Variants in WRN observed in about 807,000 individuals in gnomAD.
WRN encodes bifunctional 3'-5' exonuclease/ATP-dependent helicase WRN.
WRN carries 149 observed loss-of-function variants against 180.7 expected under a neutral mutation model. The ratio of observed to expected loss-of-function variants is 0.82; its 90% CI spans 0.72 to 0.94. The LOEUF (loss-of-function observed/expected upper bound fraction) is 0.94. Ranked by LOEUF, WRN falls within the 40% of genes least tolerant of loss-of-function variation. The probability of loss-of-function intolerance (pLI) is 0.00; values close to 1 mark genes in which losing one functional copy is unlikely to be tolerated. For missense variants in WRN, 1,661 were observed against 1,700.1 expected (o/e 0.98, Z 0.40); for synonymous variants, 548 against 568.9 (o/e 0.96, Z 0.52).
At chr8:31,160,095 G>C (rs1467026470) in intron 33 of WRN, among the ~76,000 whole-genome samples, 1 of 152,098 alleles carries the variant, frequency 6.6e-6, no homozygotes, top group African/African-American at 2.4e-5. Flanking sequence ...TGAGCAACAA[G>C]AAGAAGAAAT....
At chr8:31,132,272 T>G in intron 23 of WRN, 93 bp from the exon 24 acceptor site, 1 of 1,479,860 alleles carries the variant, frequency 6.8e-7, no homozygotes, top group South Asian at 1.3e-5. Flanking sequence ...TTTGAGATAT[T>G]TTTTACTTGG....
At chr8:31,064,139 C>T (rs1812601624) in intron 3 of WRN, 150 bp from the exon 4 acceptor site, 1 of 766,044 alleles carries the variant, frequency 1.3e-6, no homozygotes, top group Non-Finnish European at 2.0e-6. Context: ...AGAAATTTTA[C>T]ATATTTTCTG....
rs566563595 is a variant in WRN, at chr8:31,043,278, T to C, written c.-77+9305T>C. Among the ~76,000 whole-genome samples the C allele has an allele frequency of 5.3e-5, 8 of 152,270 alleles. No individual in the cohort carries two copies. In the East Asian group the frequency reaches 9.7e-4, roughly 18 times the overall value. ...AGGAGAGTCCCGAAATTTGTTGCAA[T>C]TGGACTGCCTTGGAAGCAATAATTA... On this transcript the variant is annotated intron_variant, in intron 1 of 34. Transcript: ENST00000298139.
intron 31 of WRN, among the ~76,000 whole-genome samples, chr8:31,152,418 G>T (rs1803174642): frequency 6.6e-6 from 1 of 152,156 alleles, no homozygotes; most frequent in Non-Finnish European, 1.5e-5. Context: ...TAGGGACAGG[G>T]TAGTTAGAAA....
Position 31,108,447 on chromosome 8 carries a change from C to T in WRN, c.2089-3168C>T, listed in dbSNP as rs1425295. On this transcript the variant is annotated intron_variant, in intron 18 of 34. Coordinates refer to ENST00000298139, the MANE Select transcript of WRN (RefSeq NM_000553.6). ...GTTCTATTCATTGCTGAAGTGGAAGCTTATCATTAATTTTTATTTATTTAT... is the reference window on the plus strand; with the variant it reads ...GTTCTATTCATTGCTGAAGTGGAAGTTTATCATTAATTTTTATTTATTTAT... Among the ~76,000 whole-genome samples the T allele has an allele frequency of 0.82, 125,447 of 152,150 alleles. 51,809 individuals are homozygous for T. Among genetic ancestry groups the T allele is most frequent in the East Asian group, 0.89 (4,591 of 5,172 alleles).
intron 31 of WRN, among the ~76,000 whole-genome samples, chr8:31,153,541 G>T (rs78675088): frequency 0.013 from 2,009 of 152,224 alleles, 39 homozygotes; most frequent in African/African-American, 0.045. Flanking sequence ...CACTGCTAGG[G>T]TTATTTGATT....
intron 1 of WRN, among the ~76,000 whole-genome samples, chr8:31,049,772 A>G (rs1812017347): frequency 1.3e-5 from 2 of 152,230 alleles, no homozygotes; most frequent in Admixed American, 6.5e-5. Flanking sequence ...GGATCCCAGT[A>G]TACTATAGGG....
chr8:31,101,626 A>C (rs1200786386), intron 18 of WRN, among the ~76,000 whole-genome samples: 1 of 151,780 alleles, frequency 6.6e-6, no homozygotes. Flanking sequence ...GTCTCTACTA[A>C]AAATACAACA....
intron 33 of WRN, 107 bp from the exon 34 acceptor site, chr8:31,166,915 A>C (rs904011937): frequency 8.6e-7 from 1 of 1,160,406 alleles, no homozygotes; most frequent in Non-Finnish European, 1.2e-6. Context: ...TTCTTTGGCA[A>C]CCTTCCACCT....
At chr8:31,165,658 A>G (rs1803827354) in intron 33 of WRN, among the ~76,000 whole-genome samples, 1 of 152,122 alleles carries the variant, frequency 6.6e-6, no homozygotes, top group African/African-American at 2.4e-5. Flanking sequence ...TTAACTGGAA[A>G]TACTTGATCT....
intron 28 of WRN, among the ~76,000 whole-genome samples, chr8:31,145,952 T>G (rs1428874374): frequency 6.6e-6 from 1 of 151,958 alleles, no homozygotes; most frequent in Non-Finnish European, 1.5e-5. Context: ...TATATATGAA[T>G]AAATATTATT....
rs937389180 is a variant in WRN, at chr8:31,087,934, T to C, written c.1576+14T>C. On this transcript the variant is annotated intron_variant, in intron 12 of 34. Transcript: ENST00000298139. ...ATGATGATAAGGGTAAGCACTGAAG[T>C]ATGTTTGAAATGACTCACCTGTGAT... is the stretch of plus-strand genomic sequence containing the variant. 1 of 1,610,604 alleles carries C rather than the reference T, an allele frequency of 6.2e-7. No homozygotes were observed. The highest frequency in any genetic ancestry group is 8.5e-7 in the Non-Finnish European group (1 of 1,178,120).
intron 12 of WRN, among the ~76,000 whole-genome samples, chr8:31,088,487 GATTTT>G (rs1377116559): frequency 6.6e-6 from 1 of 152,036 alleles, no homozygotes; most frequent in Non-Finnish European, 1.5e-5. Flanking sequence ...CTAAAACGAA[GATTTT>G]ATTTTATCTG....
chr8:31,036,546 T>C (rs1811459487), intron 1 of WRN, among the ~76,000 whole-genome samples: 1 of 152,250 alleles, frequency 6.6e-6, no homozygotes, highest in South Asian at 2.1e-4. Context: ...ATAGCCATTC[T>C]AACAGGTGTG....
intron 28 of WRN, among the ~76,000 whole-genome samples, chr8:31,146,804 C>G (rs1375015313): frequency 6.6e-6 from 1 of 152,116 alleles, no homozygotes; most frequent in Non-Finnish European, 1.5e-5. Flanking sequence ...GACAAATGCT[C>G]TTTTTAAAAC....
At chr8:31,043,784 A>C (rs1811744272) in intron 1 of WRN, among the ~76,000 whole-genome samples, 1 of 152,282 alleles carries the variant, frequency 6.6e-6, no homozygotes, top group East Asian at 1.9e-4. Context: ...CTCCCCCTTC[A>C]TATGCCTGAC....
chr8:31,058,531 A>G lies in WRN; in HGVS notation c.84A>G (p.Val28=). ...ATGTGCAGAATAAAAGATGTGCTGTAGAAGAAAGAAAGGTATGTTGTTCAT... is the reference window on the plus strand; with the variant it reads ...ATGTGCAGAATAAAAGATGTGCTGTGGAAGAAAGAAAGGTATGTTGTTCAT... ...WMNVQNKRCA[V]EERKACVRKS... The change falls in exon 2 of 35, where the codon GTA becomes GTG. Residue 28 remains valine (V), a synonymous_variant. Transcript: ENST00000298139. 2 of 1,613,758 alleles carry G rather than the reference A, an allele frequency of 1.2e-6. No homozygotes were observed. The highest frequency in any genetic ancestry group is 1.7e-6 in the Non-Finnish European group (2 of 1,179,790).
chr8:31,109,002 T>G (rs113710519), intron 18 of WRN, among the ~76,000 whole-genome samples: 4,964 of 152,262 alleles, frequency 0.033, 277 homozygotes, highest in African/African-American at 0.11. Context: ...AGTAATTGGT[T>G]CTTTGGGATA....
At chr8:31,098,885 A>G (rs555741176) in intron 17 of WRN, among the ~76,000 whole-genome samples, 1 of 152,200 alleles carries the variant, frequency 6.6e-6, no homozygotes, top group African/African-American at 2.4e-5. Flanking sequence ...GCTTTTTAAA[A>G]AATGAAAGTT....
Sources: gnomAD v4.1 joint callset for allele counts (sites outside exome capture counted in the v4.1 genomes callset) on GRCh38, gnomAD v4.1.1 for gene constraint, MANE v1.5 for transcripts, NCBI Gene and HGNC (gene_info 2026-07-23, HGNC 2026-07-21) for gene names.